Variants in MFSD2A observed in about 807,000 individuals in gnomAD.
MFSD2A encodes the protein sodium-dependent lysophosphatidylcholine symporter 1.
MFSD2A carries 27 observed loss-of-function variants against 64.7 expected under a neutral mutation model. The ratio of observed to expected loss-of-function variants is 0.42; its 90% CI spans 0.31 to 0.58. The LOEUF is 0.58. Ranked by LOEUF, MFSD2A falls within the 20% of genes least tolerant of loss-of-function variation. The pLI, the probability that MFSD2A is intolerant of heterozygous loss-of-function variation, is 0.18. For missense variants in MFSD2A, 474 were observed against 679.5 expected, an observed-to-expected ratio of 0.70 and a Z score of 3.36; for synonymous variants, 258 against 273.4, an observed-to-expected ratio of 0.94 and a Z score of 0.55.
Position 39,965,545 on chromosome 1 carries a change from C to T in MFSD2A, c.552C>T (p.Ala184=), listed in dbSNP as rs779348306. The change falls in exon 5 of 14, where the codon GCC becomes GCT. Residue 184 remains alanine (A), a synonymous_variant. Transcript: ENST00000372811. This position sits in a 1 kb window ranked among gnomAD's most constrained non-coding sequence, Gnocchi z 5.5. ...TEQTERDSAT[A]YRMTVEVLGT... Reference sequence around the variant, plus strand: ...AGACTGAGCGGGATTCTGCCACCGCCTATCGTGAGTCTCCCCAGCCCACCT... The same window carrying T: ...AGACTGAGCGGGATTCTGCCACCGCTTATCGTGAGTCTCCCCAGCCCACCT... The T allele has an allele frequency of 2.0e-5, 32 of 1,613,996 alleles. No individual in the cohort carries two copies. The Admixed American group carries it at 4.8e-4, about 24-fold the overall frequency.
At position 39,968,680 on chromosome 1, in the gene MFSD2A, C is replaced by T; in HGVS notation, c.1464C>T (p.Leu488=). The change falls in exon 13 of 14, where the codon CTC becomes CTT. Residue 488 remains leucine, a synonymous_variant. Coordinates refer to ENST00000372811, the MANE Select transcript of MFSD2A (RefSeq NM_032793.5). This position sits in a 1 kb window ranked among gnomAD's most constrained non-coding sequence, Gnocchi z 4.4. The part of the protein sequence containing the change: ...PIVLILLGLL[L]FKMYPIDEER... Reference sequence around the variant, plus strand: ...TTCTCATCCTGCTGGGCCTGCTGCTCTTCAAAATGTACCCCATTGATGAGG... The same window carrying T: ...TTCTCATCCTGCTGGGCCTGCTGCTTTTCAAAATGTACCCCATTGATGAGG... 1 of 1,614,216 alleles carries T rather than the reference C, an allele frequency of 6.2e-7. No homozygotes were observed. The highest frequency in any genetic ancestry group is 1.1e-5 in the South Asian group (1 of 91,086).
In MFSD2A at chr1:39,955,669, C is replaced by A. The variant is rs755439044; in HGVS notation, c.93+284C>A. On this transcript the variant is annotated intron_variant, in intron 1 of 13. Transcript: ENST00000372811. This position sits in a 1 kb window ranked among gnomAD's most constrained non-coding sequence, Gnocchi z 5.9. ...CTCTGCCTAGCCGGTTTCCATTCTTCCGTGTTGAGCGGCTGGGGCTTGCCG... is the reference window on the plus strand; with the variant it reads ...CTCTGCCTAGCCGGTTTCCATTCTTACGTGTTGAGCGGCTGGGGCTTGCCG... 3 of 642,198 alleles carry A rather than the reference C, an allele frequency of 4.7e-6. No homozygotes were observed. Among genetic ancestry groups the A allele is most frequent in the South Asian group, 4.5e-5 (3 of 66,144 alleles). 39.8% of individuals were successfully genotyped at this position (642,198 alleles called of 1,614,324 possible).
Position 39,965,415 on chromosome 1 carries a change from A to G in MFSD2A, c.478-56A>G. 6.2e-7 allele frequency: 1 copy of G among 1,613,492 alleles called. No homozygotes were observed. ...TGGGGCCCCCAGGGTTGGTACTGGA[A>G]GCTACATCAGTGTGTCCACCCGCCT... On this transcript the variant is annotated intron_variant, in intron 4 of 13. Transcript: ENST00000372811. This position sits in a 1 kb window ranked among gnomAD's most constrained non-coding sequence, Gnocchi z 5.5.
rs199575326 is a variant in MFSD2A at position 39,968,783 on chromosome 1, G to A, written c.1529+38G>A. 3.1e-6 allele frequency: 5 copies of A among 1,608,548 alleles called. No homozygotes were observed. The highest frequency in any genetic ancestry group is 2.7e-5 in the African/African-American group (2 of 74,926). ...GGGACAGGATGCTGGAGGAGGGGAC[G>A]TCACTGTGTCTAAACCCTCAATTTG... On this transcript the variant is annotated intron_variant, in intron 13 of 13. Transcript: ENST00000372811. This position sits in a 1 kb window ranked among gnomAD's most constrained non-coding sequence, Gnocchi z 4.4.
At chr1:39,969,457 G>A (rs753516418) in intron 13 of MFSD2A, 48 bp from the exon 14 acceptor site, 2 of 1,531,374 alleles carry the variant, frequency 1.3e-6, no homozygotes, top group South Asian at 2.3e-5. Context: ...GGCTGAGGAG[G>A]GGTAAGGATG....
chr1:39,965,078 G>A lies in MFSD2A; in HGVS notation c.354-133G>A. On this transcript the variant is annotated intron_variant, in intron 3 of 13. Coordinates refer to ENST00000372811, the MANE Select transcript of MFSD2A (RefSeq NM_032793.5). The surrounding 1 kb of genome is among the most constrained non-coding windows in gnomAD (Gnocchi z 5.5). ...CCAGAGGCCCAGGATGGGTGGATTT[G>A]GCAGGAGTATGGGGAAGGAAGGAAG... 1 of 1,267,692 alleles carries A rather than the reference G, an allele frequency of 7.9e-7. No individual in the cohort carries two copies. The highest frequency in any genetic ancestry group is 1.4e-5 in the South Asian group (1 of 69,414). 78.5% of individuals were successfully genotyped at this position (1,267,692 alleles called of 1,614,324 possible). A position where few individuals can be genotyped will look rare whatever the true frequency, so the allele number is the denominator to read the frequency against.
chr1:39,957,122 T>G lies in MFSD2A; in HGVS notation c.129T>G (p.Val43=), dbSNP rs199650634. ...EPKKKKQQLS[V]CNKLCYALGG... is the part of the protein sequence containing the mutation. ...AAAAGAAGAAACAACAGTTGTCTGT[T>G]TGCAACAAGCTTTGCTATGCACTTG... Residue 43 remains valine (V), a synonymous_variant, in exon 2 of 14, where the codon GTT becomes GTG. Coordinates refer to ENST00000372811, the MANE Select transcript of MFSD2A (RefSeq NM_032793.5). The G allele has an allele frequency of 3.7e-6, 6 of 1,614,138 alleles. No individual in the cohort carries two copies. The highest frequency in any genetic ancestry group is 4.2e-6 in the Non-Finnish European group (5 of 1,180,018).
chr1:39,957,757 C>T, intron 2 of MFSD2A: 1 of 152,766 alleles, frequency 6.5e-6, no homozygotes, highest in Non-Finnish European at 1.5e-5. Context: ...GAAGCCTTGG[C>T]CAGAAGCCTG....
At chr1:39,956,996 T>G in intron 1 of MFSD2A, 91 bp from the exon 2 acceptor site, 4 of 1,411,030 alleles carry the variant, frequency 2.8e-6, no homozygotes, top group East Asian at 2.4e-5. Flanking sequence ...TTTGTTCTGG[T>G]AGAGCTGGCC....
intron 8 of MFSD2A, 48 bp downstream of exon 8, chr1:39,966,980 G>A: frequency 6.2e-7 from 1 of 1,613,158 alleles, no homozygotes. Flanking sequence ...TGTAATGGGA[G>A]CGGGGTGAGC....
chr1:39,958,961 C>T lies in MFSD2A; in HGVS notation c.353+136C>T, dbSNP rs1252304306. On this transcript the variant is annotated intron_variant, in intron 3 of 13. Coordinates refer to ENST00000372811, the MANE Select transcript of MFSD2A (RefSeq NM_032793.5). The surrounding 1 kb of genome is among the most constrained non-coding windows in gnomAD (Gnocchi z 4.7). ...AGTTAAAAGCCCAAGGGTGTTGAAACCCCATCCGAGGCATCAGCTACCCTG... is the reference window on the plus strand; with the variant it reads ...AGTTAAAAGCCCAAGGGTGTTGAAATCCCATCCGAGGCATCAGCTACCCTG... The T allele has an allele frequency of 6.5e-6, 7 of 1,080,358 alleles. No individual in the cohort carries two copies. Among genetic ancestry groups the T allele is most frequent in the East Asian group, 2.5e-5 (1 of 40,362 alleles). The allele number at this position is 1,080,358 out of a possible 1,614,324, so 66.9% of individuals were successfully genotyped here.
At chr1:39,956,471 G>C (rs1644930591) in intron 1 of MFSD2A, among the ~76,000 whole-genome samples, 1 of 152,214 alleles carries the variant, frequency 6.6e-6, no homozygotes, top group South Asian at 2.1e-4. Flanking sequence ...TCAGGTTGTG[G>C]CAGCTGGTGC....
chr1:39,968,570 T>C lies in MFSD2A; in HGVS notation c.1354T>C (p.Phe452Leu). The change falls in exon 13 of 14, where the codon TTT becomes CTT. Residue 452 changes from phenylalanine (F) to leucine (L), a missense_variant and splice_region_variant. By Grantham distance (22) the Phe-to-Leu change is conservative (BLOSUM62 0). Coordinates refer to ENST00000372811, the MANE Select transcript of MFSD2A (RefSeq NM_032793.5). The surrounding 1 kb of genome is among the most constrained non-coding windows in gnomAD (Gnocchi z 4.4). ...SLGISTLSLD[F>L]AGYQTRGCSQ... ...TCTCCTACCCCCTGGGTCCCATAGC[T>C]TTGCAGGGTACCAGACCCGTGGCTG... 1 of 1,614,112 alleles carries C rather than the reference T, an allele frequency of 6.2e-7. No homozygotes were observed. The highest frequency in any genetic ancestry group is 1.1e-5 in the South Asian group (1 of 91,086).
Position 39,968,223 on chromosome 1 carries a change from C to T in MFSD2A, c.1209-111C>T, listed in dbSNP as rs976077931. The T allele has an allele frequency of 1.1e-5, 14 of 1,305,204 alleles. No individual in the cohort carries two copies. In the African/African-American group the frequency reaches 1.7e-4, roughly 16 times the overall value. The allele number at this position is 1,305,204 out of a possible 1,614,324, so 80.9% of individuals were successfully genotyped here. ...TATTCATGTGAAGGTCCCATATCCTCACTGAGCTGTGTACCCATGGTACTG... is the reference window on the plus strand; with the variant it reads ...TATTCATGTGAAGGTCCCATATCCTTACTGAGCTGTGTACCCATGGTACTG... On this transcript the variant is annotated intron_variant, in intron 11 of 13. Transcript: ENST00000372811. This position sits in a 1 kb window ranked among gnomAD's most constrained non-coding sequence, Gnocchi z 4.4.
At position 39,964,621 on chromosome 1, in the gene MFSD2A, C is replaced by T. The variant is rs1274620866; in HGVS notation, c.354-590C>T. 1 of 153,150 alleles carries T rather than the reference C, an allele frequency of 6.5e-6. No individual in the cohort carries two copies. Among genetic ancestry groups the T allele is most frequent in the Non-Finnish European group, 1.5e-5 (1 of 68,540 alleles). The allele number at this position is 153,150 out of a possible 1,614,324, so 9.5% of individuals were successfully genotyped here. A position where few individuals can be genotyped will look rare whatever the true frequency, so the allele number is the denominator to read the frequency against. On this transcript the variant is annotated intron_variant, in intron 3 of 13. Transcript: ENST00000372811. The surrounding 1 kb of genome is among the most constrained non-coding windows in gnomAD (Gnocchi z 4.1). ...TCACTTGGAGCTGGCCTCTCCCCATCATGCCAGCTTCCCTGTGTGTGAATG... is the reference window on the plus strand; with the variant it reads ...TCACTTGGAGCTGGCCTCTCCCCATTATGCCAGCTTCCCTGTGTGTGAATG...
rs566459540 is a variant in MFSD2A, at chr1:39,958,878, C to G, written c.353+53C>G. ...GCACAAGGCAGGACTTCCAGCATAT[C>G]TGCTCCTTGGTCCTTCTCTCTGTCT... On this transcript the variant is annotated intron_variant, in intron 3 of 13. Transcript: ENST00000372811. The surrounding 1 kb of genome is among the most constrained non-coding windows in gnomAD (Gnocchi z 4.7). 8 of 1,525,338 alleles carry G rather than the reference C, an allele frequency of 5.2e-6. No homozygotes were observed. Among genetic ancestry groups the G allele is most frequent in the South Asian group, 3.8e-5 (3 of 78,212 alleles). 94.5% of individuals were successfully genotyped at this position (1,525,338 alleles called of 1,614,324 possible).
At position 39,966,011 on chromosome 1, in the gene MFSD2A, A is replaced by G. The variant is rs757102990; in HGVS notation, c.711A>G (p.Glu237=). 23 of 1,614,204 alleles carry G rather than the reference A, an allele frequency of 1.4e-5. No individual in the cohort carries two copies. The South Asian group carries it at 2.5e-4, about 18-fold the overall frequency. ...CACATGGCACCACCTCACACAGGGA[A>G]ACGGTGAGGCCCTGGGCAGGGCAGG... The part of the protein sequence containing the change: ...NHTHGTTSHR[E]TQKAYLLAAG... Residue 237 remains glutamate, a synonymous_variant, in exon 6 of 14, where the codon GAA becomes GAG. Coordinates refer to ENST00000372811, the MANE Select transcript of MFSD2A (RefSeq NM_032793.5).
intron 2 of MFSD2A, among the ~76,000 whole-genome samples, chr1:39,957,448 C>T (rs1383194031): frequency 1.3e-5 from 2 of 152,198 alleles, no homozygotes; most frequent in Non-Finnish European, 2.9e-5. Context: ...GCAACTCCTC[C>T]TTGCCTGGCA....
chr1:39,969,448 G>A, intron 13 of MFSD2A, 57 bp from the exon 14 acceptor site: 1 of 1,486,218 alleles, frequency 6.7e-7, no homozygotes. Flanking sequence ...GGCAGGTGGG[G>A]CTGAGGAGGG....
Sources: allele counts gnomAD v4.1 joint callset (sites outside exome capture counted in the v4.1 genomes callset), GRCh38; gene constraint gnomAD v4.1.1; non-coding constraint Gnocchi (gnomAD v3.1); transcripts MANE v1.5; gene names NCBI Gene and HGNC (gene_info 2026-07-23, HGNC 2026-07-21).